TNFAIP8L3: variants seen among roughly 807,000 people sequenced by gnomAD.
TNFAIP8L3 encodes the protein TNF alpha induced protein 8 like 3, also known as tumor necrosis factor alpha-induced protein 8-like protein 3.
A neutral mutation model predicts 11.8 loss-of-function variants in TNFAIP8L3; 7 were observed. That is an observed-to-expected ratio of 0.59 (90% CI 0.34 to 1.11). The LOEUF (loss-of-function observed/expected upper bound fraction) is 1.11, where lower values mean the gene tolerates loss of function less well. Ranked by LOEUF, TNFAIP8L3 falls within the 50% of genes most tolerant of loss-of-function variation. TNFAIP8L3 has a pLI of 0.03. For synonymous variants in TNFAIP8L3, 98 were observed against 103.8 expected (o/e 0.94, Z 0.34); for missense variants, 219 against 258.6 (o/e 0.85, Z 1.05).
chr15:51,062,170 A>C (rs2065245903), intron 1 of TNFAIP8L3, among the ~76,000 whole-genome samples: 1 of 152,094 alleles, frequency 6.6e-6, no homozygotes, highest in Non-Finnish European at 1.5e-5. Context: ...GCTACTTGAG[A>C]AGCTGAGGTG....
intron 1 of TNFAIP8L3, among the ~76,000 whole-genome samples, chr15:51,061,831 A>G (rs1169537273): frequency 6.6e-6 from 1 of 152,226 alleles, no homozygotes; most frequent in African/African-American, 2.4e-5. Context: ...CTTACTAAAC[A>G]TAAGAAATGA....
chr15:51,078,297 G>A (rs1436538326), intron 1 of TNFAIP8L3, among the ~76,000 whole-genome samples: 2 of 145,526 alleles, frequency 1.4e-5, no homozygotes, highest in African/African-American at 2.5e-5. Context: ...AAATATAAGC[G>A]GGGGCGGGGG....
intron 1 of TNFAIP8L3, among the ~76,000 whole-genome samples, chr15:51,101,680 C>T (rs2140987042): frequency 6.6e-6 from 1 of 150,936 alleles, no homozygotes; most frequent in African/African-American, 2.4e-5. Flanking sequence ...GGCGCCGTGG[C>T]TGAAGCCTGT....
intron 1 of TNFAIP8L3, among the ~76,000 whole-genome samples, chr15:51,074,968 G>C (rs1003890125): frequency 3.3e-5 from 5 of 152,366 alleles, no homozygotes; most frequent in African/African-American, 1.2e-4. Flanking sequence ...CGCATCCGGT[G>C]CTGAGTTCTT....
Position 51,066,302 on chromosome 15 carries a change from A to G in TNFAIP8L3, c.53-7859T>C, listed in dbSNP as rs187276807. Among the ~76,000 whole-genome samples, 688 of 152,024 alleles carry G rather than the reference A, an allele frequency of 4.5e-3. 6 individuals are homozygous for G. The highest frequency in any genetic ancestry group is 0.016 in the African/African-American group (660 of 41,456). On this transcript the variant is annotated intron_variant, in intron 1 of 1. Coordinates refer to ENST00000637513, the MANE Select transcript of TNFAIP8L3 (RefSeq NM_001311175.2). ...CTCCGCCTCCCGAGTAGCTGGGACT[A>G]CAGGTACACACCACCATGCCTGGCT...
At chr15:51,082,925 GA>G (rs2065402765) in intron 1 of TNFAIP8L3, among the ~76,000 whole-genome samples, 1 of 152,138 alleles carries the variant, frequency 6.6e-6, no homozygotes, top group Non-Finnish European at 1.5e-5. Context: ...TTTTATACCT[GA>G]AAAGGAGTAA....
intron 1 of TNFAIP8L3, among the ~76,000 whole-genome samples, chr15:51,102,263 A>T (rs1053159175): frequency 1.2e-4 from 19 of 152,136 alleles, no homozygotes; most frequent in Non-Finnish European, 2.8e-4. Flanking sequence ...CCTCCTGCGC[A>T]TGTCTTTAAA....
chr15:51,071,185 A>G (rs2065307069), intron 1 of TNFAIP8L3, among the ~76,000 whole-genome samples: 1 of 152,322 alleles, frequency 6.6e-6, no homozygotes, highest in South Asian at 2.1e-4. Flanking sequence ...AATTTAACAA[A>G]TACTGTGTAG....
At chr15:51,087,373 T>A (rs957308804) in intron 1 of TNFAIP8L3, among the ~76,000 whole-genome samples, 1 of 152,210 alleles carries the variant, frequency 6.6e-6, no homozygotes, top group African/African-American at 2.4e-5. Context: ...CTTCCCAGCA[T>A]AACCCACAGG....
intron 1 of TNFAIP8L3, among the ~76,000 whole-genome samples, chr15:51,102,540 T>A (rs1016346822): frequency 3.9e-5 from 6 of 152,100 alleles, no homozygotes; most frequent in Admixed American, 3.9e-4. Context: ...AAGTCTCTGA[T>A]TTCATAACAT....
In TNFAIP8L3 at chr15:51,057,673, G is replaced by C. The variant is rs547461188; in HGVS notation, c.*208C>G. 126 of 537,248 alleles carry C rather than the reference G, an allele frequency of 2.3e-4. No individual in the cohort carries two copies. Among genetic ancestry groups the C allele is most frequent in the African/African-American group, 2.2e-3 (117 of 52,970 alleles). The allele number at this position is 537,248 out of a possible 1,614,324, so 33.3% of individuals were successfully genotyped here. ...GAAATGTCCTTTGGGCTTGCACACA[G>C]GTGATTTTAAGTAGAAACCTTGCTA... is the stretch of plus-strand genomic sequence containing the variant. On this transcript the variant is annotated 3_prime_UTR_variant, in exon 2 of 2. Transcript: ENST00000637513.
At chr15:51,065,786 G>T (rs2065266829) in intron 1 of TNFAIP8L3, among the ~76,000 whole-genome samples, 1 of 152,182 alleles carries the variant, frequency 6.6e-6, no homozygotes, top group South Asian at 2.1e-4. Context: ...GAAATTATTT[G>T]TAATAGTCAG....
At chr15:51,064,519 C>T (rs756125428) in intron 1 of TNFAIP8L3, 1 of 152,000 alleles carries the variant, frequency 6.6e-6, no homozygotes, top group East Asian at 1.9e-4. Flanking sequence ...ATCACATTCT[C>T]TGGTATGCAT....
chr15:51,072,217 C>T (rs928447995), intron 1 of TNFAIP8L3, among the ~76,000 whole-genome samples: 9 of 152,012 alleles, frequency 5.9e-5, no homozygotes, highest in Non-Finnish European at 1.0e-4. Flanking sequence ...CTCGGCTCAC[C>T]GCAACCTCTG....
chr15:51,074,365 C>T (rs926690606), intron 1 of TNFAIP8L3, among the ~76,000 whole-genome samples: 7 of 152,182 alleles, frequency 4.6e-5, no homozygotes, highest in Admixed American at 6.5e-5. Context: ...TCTACTGGTC[C>T]CCTCTTGGTA....
chr15:51,073,976 T>G (rs1466427398), intron 1 of TNFAIP8L3, among the ~76,000 whole-genome samples: 2 of 152,374 alleles, frequency 1.3e-5, no homozygotes, highest in African/African-American at 4.8e-5. Context: ...TCAAAGACTT[T>G]TTGATTTAAA....
rs763546310 is a variant in TNFAIP8L3 at position 51,058,359 on chromosome 15, T to C, written c.137A>G (p.Asn46Ser). Residue 46 changes from asparagine to serine, a missense_variant, in exon 2 of 2, where the codon AAC becomes AGC. Physicochemically the swap from Asn to Ser is conservative, Grantham distance 46 (BLOSUM62 1). Coordinates refer to ENST00000637513, the MANE Select transcript of TNFAIP8L3 (RefSeq NM_001311175.2). ...LSKIASKTVA[N>S]MLIDDTSSEI... ...GCTGCTGGTGTCATCAATCAACATG[T>C]TGGCCACAGTTTTGCTGGCTATTTT... The C allele has an allele frequency of 8.7e-6, 14 of 1,614,156 alleles. No individual in the cohort carries two copies. In the Admixed American group the frequency reaches 2.3e-4, roughly 27 times the overall value.
At position 51,058,419 on chromosome 15, in the gene TNFAIP8L3, C is replaced by T. The variant is rs2065220809; in HGVS notation, c.77G>A (p.Ser26Asn). Residue 26 changes from serine (S) to asparagine (N), a missense_variant, in exon 2 of 2, where the codon AGT becomes AAT. Physicochemically the swap from Ser to Asn is conservative, Grantham distance 46 (BLOSUM62 1). Coordinates refer to ENST00000637513, the MANE Select transcript of TNFAIP8L3 (RefSeq NM_001311175.2). Reference protein sequence around the residue: ...AAGPDVFSSKSLALQAQKKIL... With the variant: ...AAGPDVFSSKNLALQAQKKIL... ...CTTCTTCTGGGCTTGAAGCGCAAGA[C>T]TCTTTGAACTAAAAACATCAGGACC... is the stretch of plus-strand genomic sequence containing the variant. 2 of 1,593,020 alleles carry T rather than the reference C, an allele frequency of 1.3e-6. No individual in the cohort carries two copies. Among genetic ancestry groups the T allele is most frequent in the Non-Finnish European group, 1.7e-6 (2 of 1,173,388 alleles).
intron 1 of TNFAIP8L3, among the ~76,000 whole-genome samples, chr15:51,087,664 G>T (rs897959883): frequency 7.9e-5 from 12 of 151,994 alleles, no homozygotes; most frequent in Admixed American, 4.6e-4. Flanking sequence ...TTTTCCCAGA[G>T]AACTGAGTTA....
Sources: allele counts gnomAD v4.1 joint callset (sites outside exome capture counted in the v4.1 genomes callset), GRCh38; gene constraint gnomAD v4.1.1; transcripts MANE v1.5; gene names NCBI Gene and HGNC (gene_info 2026-07-23, HGNC 2026-07-21).